Variants in SCN9A observed in about 807,000 individuals in gnomAD.
SCN9A encodes sodium channel protein type 9 subunit alpha.
Under a neutral mutation model 187.0 loss-of-function variants are expected in SCN9A, and 131 were observed. The observed-to-expected ratio is 0.70, with a 90% confidence interval of 0.61 to 0.81. SCN9A has a LOEUF of 0.81. Among genes scored for constraint, SCN9A ranks in the 30% least tolerant of loss-of-function variants. The pLI, the probability that SCN9A is intolerant of heterozygous loss-of-function variation, is 0.00. For missense variants in SCN9A, 2,252 were observed against 2,396.6 expected (o/e 0.94, Z 1.26); for synonymous variants, 809 against 808.6 (o/e 1.00, Z -0.01).
At chr2:166,275,018 C>A (rs1043742904) in intron 16 of SCN9A, among the ~76,000 whole-genome samples, 2 of 152,084 alleles carry the variant, frequency 1.3e-5, no homozygotes, top group African/African-American at 4.8e-5. Flanking sequence ...AAGGATTAGA[C>A]CATGGGTAAT....
At chr2:166,220,181 GAA>G (rs1339343453) in intron 24 of SCN9A, among the ~76,000 whole-genome samples, 1 of 152,116 alleles carries the variant, frequency 6.6e-6, no homozygotes, top group Non-Finnish European at 1.5e-5. Context: ...ATGATCATCA[GAA>G]GAGATTCAGA....
chr2:166,359,263 T>A (rs879345242), intron 1 of SCN9A, among the ~76,000 whole-genome samples: 4 of 152,150 alleles, frequency 2.6e-5, no homozygotes, highest in Admixed American at 1.3e-4. Context: ...CTATTTTTAT[T>A]TTCATTGGGA....
chr2:166,361,954 T>A (rs533853260), intron 1 of SCN9A, among the ~76,000 whole-genome samples: 1 of 152,214 alleles, frequency 6.6e-6, no homozygotes, highest in African/African-American at 2.4e-5. Context: ...GATGAAATAT[T>A]CCTGATGGGG....
intron 11 of SCN9A, among the ~76,000 whole-genome samples, chr2:166,285,972 A>C (rs1697721280): frequency 6.6e-6 from 1 of 152,198 alleles, no homozygotes; most frequent in African/African-American, 2.4e-5. Context: ...AACTAGTCTA[A>C]GATTAGTTTT....
intron 20 of SCN9A, 100 bp from the exon 21 acceptor site, chr2:166,233,562 A>C: frequency 1.1e-6 from 1 of 880,490 alleles, no homozygotes; most frequent in Non-Finnish European, 1.7e-6. Flanking sequence ...CAACAGGAAC[A>C]ATAAGATGGT....
At chr2:166,361,292 A>G (rs1384748198) in intron 1 of SCN9A, among the ~76,000 whole-genome samples, 1 of 152,140 alleles carries the variant, frequency 6.6e-6, no homozygotes, top group Non-Finnish European at 1.5e-5. Flanking sequence ...GAACGAGAAT[A>G]TATTTGCTTA....
At chr2:166,368,861 C>T (rs1483537489) in intron 1 of SCN9A, among the ~76,000 whole-genome samples, 2 of 151,314 alleles carry the variant, frequency 1.3e-5, no homozygotes, top group Non-Finnish European at 2.9e-5. Flanking sequence ...GTGGCTCATG[C>T]CTGTAATCCC....
chr2:166,256,334 C>T (rs1380152948), intron 17 of SCN9A, among the ~76,000 whole-genome samples: 3 of 150,796 alleles, frequency 2.0e-5, no homozygotes, highest in Non-Finnish European at 4.4e-5. Flanking sequence ...GAGGTCTCTA[C>T]AATCTTTTTT....
At chr2:166,350,775 A>G (rs1700015041) in intron 1 of SCN9A, among the ~76,000 whole-genome samples, 1 of 152,202 alleles carries the variant, frequency 6.6e-6, no homozygotes. Context: ...GGTTATTCAA[A>G]GCTCAAAAAG....
intron 1 of SCN9A, among the ~76,000 whole-genome samples, chr2:166,319,016 A>T (rs953677224): frequency 3.3e-5 from 5 of 152,290 alleles, no homozygotes; most frequent in African/African-American, 1.2e-4. Flanking sequence ...TCAAGCTAAA[A>T]GTACAAAAGA....
rs1456084992 is a variant in SCN9A, at chr2:166,375,886, G to A, written c.-240C>T. The A allele has an allele frequency of 1.3e-5, 2 of 152,242 alleles. No individual in the cohort carries two copies. Among genetic ancestry groups the A allele is most frequent in the African/African-American group, 2.4e-5 (1 of 41,470 alleles). The allele number at this position is 152,242 out of a possible 1,614,324, so 9.4% of individuals were successfully genotyped here. A position where few individuals can be genotyped will look rare whatever the true frequency, so the allele number is the denominator to read the frequency against. ...GGCTAGCCCAGCCTCAGCCGAGCTG[G>A]CGGAATTGGAAAGCCGACAGCCGCC... On this transcript the variant is annotated 5_prime_UTR_variant, in exon 1 of 27. Coordinates refer to ENST00000642356, the MANE Select transcript of SCN9A (RefSeq NM_001365536.1).
chr2:166,324,764 C>G (rs990701301), intron 1 of SCN9A, among the ~76,000 whole-genome samples: 6 of 152,090 alleles, frequency 3.9e-5, no homozygotes, highest in Non-Finnish European at 5.9e-5. Context: ...GAACATTCTA[C>G]AAAATACCTA....
In SCN9A at chr2:166,304,231, T is replaced by G; in HGVS notation, c.688+7A>C. The stretch of plus-strand genomic sequence containing the variant: ...TGGCCTAATGCTTCACACCAATTAC[T>G]TCTTACCTGGGATTACAGAAATAGT... On this transcript the variant is annotated splice_region_variant and intron_variant, in intron 6 of 26. Coordinates refer to ENST00000642356, the MANE Select transcript of SCN9A (RefSeq NM_001365536.1). The G allele has an allele frequency of 6.2e-7, 1 of 1,612,852 alleles. No individual in the cohort carries two copies. Among genetic ancestry groups the G allele is most frequent in the Non-Finnish European group, 8.5e-7 (1 of 1,178,988 alleles).
intron 19 of SCN9A, among the ~76,000 whole-genome samples, chr2:166,239,112 A>G (rs1328699871): frequency 6.6e-6 from 1 of 151,974 alleles, no homozygotes; most frequent in Non-Finnish European, 1.5e-5. Flanking sequence ...CTTCAGCCAC[A>G]TGTCCCTTGA....
intron 26 of SCN9A, among the ~76,000 whole-genome samples, chr2:166,201,805 C>T (rs1428193516): frequency 1.3e-5 from 2 of 151,382 alleles, no homozygotes; most frequent in African/African-American, 2.4e-5. Flanking sequence ...AGTGCTCATA[C>T]TTTACACATT....
At chr2:166,226,806 A>G (rs907137775) in intron 23 of SCN9A, 102 bp from the exon 24 acceptor site, 1 of 765,788 alleles carries the variant, frequency 1.3e-6, no homozygotes, top group African/African-American at 1.8e-5. Flanking sequence ...ATCCTAGGTA[A>G]ACATAGGATT....
intron 24 of SCN9A, among the ~76,000 whole-genome samples, chr2:166,205,905 A>G (rs1693778900): frequency 6.6e-6 from 1 of 152,336 alleles, no homozygotes; most frequent in East Asian, 1.9e-4. Context: ...CAACAGACAT[A>G]TGAAAAAATG....
At chr2:166,218,195 T>C (rs1226856211) in intron 24 of SCN9A, among the ~76,000 whole-genome samples, 2 of 141,430 alleles carry the variant, frequency 1.4e-5, no homozygotes, top group Non-Finnish European at 3.0e-5. Flanking sequence ...TAAAGGACGT[T>C]ATGCTAAGCA....
chr2:166,226,473 C>G, intron 24 of SCN9A, 94 bp downstream of exon 24: 1 of 839,988 alleles, frequency 1.2e-6, no homozygotes, highest in Non-Finnish European at 1.8e-6. Context: ...TAAAATTAAT[C>G]ATGAATTGAT....
Sources: allele counts gnomAD v4.1 joint callset (sites outside exome capture counted in the v4.1 genomes callset), GRCh38; gene constraint gnomAD v4.1.1; transcripts MANE v1.5; gene names NCBI Gene and HGNC (gene_info 2026-07-23, HGNC 2026-07-21).